The following SLC35D4 variants were observed in gnomAD, a reference collection of about 807,000 sequenced individuals.
SLC35D4 encodes UDP-N-acetylglucosamine transporter SLC35D4.
chr18:23,302,779 G>A, the SLC35D4 span, among the ~76,000 whole-genome samples: 1 of 152,216 alleles, frequency 6.6e-6, no homozygotes, highest in African/African-American at 2.4e-5. Context: ...CAGCCAGGGT[G>A]GTGGAGGCCA....
At chr18:23,356,835 C>G in the SLC35D4 span, among the ~76,000 whole-genome samples, 13 of 152,274 alleles carry the variant, frequency 8.5e-5, no homozygotes, top group African/African-American at 1.2e-4. The surrounding 1 kb of genome is among the most constrained non-coding windows in gnomAD (Gnocchi z 4.1). Context: ...ATTGTCTTAT[C>G]ATGGTAATAA....
At chr18:23,365,712 CA>C in the SLC35D4 span, 15 of 1,604,742 alleles carry the variant, frequency 9.3e-6, no homozygotes, top group Middle Eastern at 1.7e-4. Context: ...TCCCCGGCAC[CA>C]AAAACCCCAG....
At chr18:23,326,233 C>T in the SLC35D4 span, among the ~76,000 whole-genome samples, 1 of 152,118 alleles carries the variant, frequency 6.6e-6, no homozygotes, top group African/African-American at 2.4e-5. Flanking sequence ...GGGTTAAATG[C>T]CCCAATTAAA....
chr18:23,324,903 T>C, the SLC35D4 span, among the ~76,000 whole-genome samples: 2 of 152,176 alleles, frequency 1.3e-5, no homozygotes, highest in African/African-American at 2.4e-5. Context: ...TTAAAATCCC[T>C]TTTTCCTAGC....
At chr18:23,414,505 T>G in the SLC35D4 span, among the ~76,000 whole-genome samples, 4 of 151,706 alleles carry the variant, frequency 2.6e-5, no homozygotes, top group Admixed American at 2.6e-4. Context: ...AAATCTCGTC[T>G]CTTCTAAAAG....
the SLC35D4 span, among the ~76,000 whole-genome samples, chr18:23,421,134 C>T: frequency 1.3e-5 from 2 of 152,036 alleles, no homozygotes; most frequent in South Asian, 4.1e-4. Context: ...ATCCCAGCTA[C>T]TTAGGAGGCT....
At chr18:23,280,796 T>C in the SLC35D4 span, among the ~76,000 whole-genome samples, 1 of 151,602 alleles carries the variant, frequency 6.6e-6, no homozygotes, top group Non-Finnish European at 1.5e-5. Context: ...AGCTGAAAAA[T>C]AAAACTTAAA....
At chr18:23,428,144 T>C in the SLC35D4 span, among the ~76,000 whole-genome samples, 1 of 152,132 alleles carries the variant, frequency 6.6e-6, no homozygotes, top group Non-Finnish European at 1.5e-5. Context: ...ATTGTGCACA[T>C]GTACCCCAGA....
the SLC35D4 span, among the ~76,000 whole-genome samples, chr18:23,318,868 G>T: frequency 1.3e-5 from 2 of 151,606 alleles, no homozygotes; most frequent in Admixed American, 1.3e-4. Flanking sequence ...TTTTGAGGTG[G>T]AGTCTCACTC....
At chr18:23,406,903 C>A in the SLC35D4 span, among the ~76,000 whole-genome samples, 2 of 152,312 alleles carry the variant, frequency 1.3e-5, no homozygotes, top group African/African-American at 4.8e-5. Context: ...CTCCCAGGCT[C>A]AAGTAATTCT....
At chr18:23,436,408 GC>G in the SLC35D4 span, among the ~76,000 whole-genome samples, 46 of 152,274 alleles carry the variant, frequency 3.0e-4, no homozygotes, top group South Asian at 8.3e-3. Context: ...GGTTCCAAAC[GC>G]CAAGTAAGTG....
chr18:23,386,549 A>G, the SLC35D4 span, among the ~76,000 whole-genome samples: 3 of 152,088 alleles, frequency 2.0e-5, no homozygotes, highest in Non-Finnish European at 4.4e-5. Flanking sequence ...GTTTTAAGTC[A>G]CCCAAGTATG....
the SLC35D4 span, among the ~76,000 whole-genome samples, chr18:23,273,090 T>C: frequency 6.6e-6 from 1 of 152,214 alleles, no homozygotes; most frequent in Non-Finnish European, 1.5e-5. Context: ...AGAGCCAGCT[T>C]AGACCAACTG....
chr18:23,371,101 CTT>C, the SLC35D4 span, among the ~76,000 whole-genome samples: 71 of 131,010 alleles, frequency 5.4e-4, 1 homozygote, highest in Non-Finnish European at 2.3e-4. Context: ...CTCTCTCTCT[CTT>C]TCTTTTTTTT....
chr18:23,431,076 C>A, the SLC35D4 span, among the ~76,000 whole-genome samples: 4 of 135,574 alleles, frequency 3.0e-5, no homozygotes, highest in Non-Finnish European at 4.6e-5. Flanking sequence ...ATCGCTTGAA[C>A]CTAGGAGGCA....
chr18:23,246,903 A>T, the SLC35D4 span, among the ~76,000 whole-genome samples: 1 of 152,044 alleles, frequency 6.6e-6, no homozygotes, highest in African/African-American at 2.4e-5. Flanking sequence ...ATGTTGGCCA[A>T]GCTGGTCTCG....
At chr18:23,288,723 C>T in the SLC35D4 span, among the ~76,000 whole-genome samples, 1 of 152,178 alleles carries the variant, frequency 6.6e-6, no homozygotes, top group South Asian at 2.1e-4. Context: ...CATAATTCCT[C>T]GGTATGGCCT....
At chr18:23,279,309 A>G in the SLC35D4 span, among the ~76,000 whole-genome samples, 10 of 152,304 alleles carry the variant, frequency 6.6e-5, 1 homozygote, top group South Asian at 2.1e-3. Flanking sequence ...CTCCCCCATC[A>G]ACTTCTGCTT....
At chr18:23,358,522 G>A in the SLC35D4 span, among the ~76,000 whole-genome samples, 6 of 152,092 alleles carry the variant, frequency 3.9e-5, no homozygotes, top group Admixed American at 3.9e-4. Flanking sequence ...CATAATGAGA[G>A]AGAGAAAATA....
Sources: allele counts gnomAD v4.1 joint callset (sites outside exome capture counted in the v4.1 genomes callset), GRCh38; gene constraint gnomAD v4.1.1; non-coding constraint Gnocchi (gnomAD v3.1); transcripts MANE v1.5; gene names NCBI Gene and HGNC (gene_info 2026-07-23, HGNC 2026-07-21).